FMN2: variants seen among roughly 807,000 people sequenced by gnomAD.
The protein encoded by FMN2 is formin-2.
FMN2 carries 51 observed loss-of-function variants against 142.3 expected under a neutral mutation model. The ratio of observed to expected loss-of-function variants is 0.36; its 90% CI spans 0.29 to 0.45. The LOEUF is 0.45. Ranked by LOEUF, FMN2 falls within the 20% of genes least tolerant of loss-of-function variation. The pLI, the probability that FMN2 is intolerant of heterozygous loss-of-function variation, is 1.00. For synonymous variants in FMN2, 882 were observed against 869.8 expected, an observed-to-expected ratio of 1.01 and a Z score of -0.25; for missense variants, 1,936 against 2,122.8, an observed-to-expected ratio of 0.91 and a Z score of 1.73.
chr1:240,153,284 G>A (rs1663860677), intron 2 of FMN2, among the ~76,000 whole-genome samples: 1 of 150,878 alleles, frequency 6.6e-6, no homozygotes, highest in South Asian at 2.1e-4. Context: ...CATTTTTGTT[G>A]TTATATTCAT....
intron 1 of FMN2, among the ~76,000 whole-genome samples, chr1:240,114,343 T>A (rs745644431): frequency 7.9e-5 from 12 of 152,178 alleles, no homozygotes; most frequent in Non-Finnish European, 1.5e-5. Context: ...CTAGGTGCAA[T>A]CTGACAGTTG....
chr1:240,249,834 C>G (rs1018890675), intron 6 of FMN2, among the ~76,000 whole-genome samples: 1 of 151,854 alleles, frequency 6.6e-6, no homozygotes, highest in African/African-American at 2.4e-5. Flanking sequence ...AAATTTATTC[C>G]TAAGTTATTT....
intron 6 of FMN2, among the ~76,000 whole-genome samples, chr1:240,241,662 T>C (rs1462643238): frequency 6.6e-6 from 1 of 152,150 alleles, no homozygotes; most frequent in Non-Finnish European, 1.5e-5. Flanking sequence ...ATTTAATTAC[T>C]CTATTCAACT....
intron 1 of FMN2, among the ~76,000 whole-genome samples, chr1:240,110,085 G>GT (rs1661752222): frequency 6.6e-6 from 1 of 152,168 alleles, no homozygotes; most frequent in Non-Finnish European, 1.5e-5. Flanking sequence ...TTTGGTTGTT[G>GT]TAAGTAGGTT....
At chr1:240,319,276 G>A (rs1670889715) in intron 8 of FMN2, among the ~76,000 whole-genome samples, 1 of 152,134 alleles carries the variant, frequency 6.6e-6, no homozygotes, top group Non-Finnish European at 1.5e-5. Flanking sequence ...TGTGGAGAGA[G>A]GCAAAGGGCT....
At chr1:240,168,316 A>T (rs1285758001) in intron 2 of FMN2, among the ~76,000 whole-genome samples, 1 of 152,010 alleles carries the variant, frequency 6.6e-6, no homozygotes, top group African/African-American at 2.4e-5. Context: ...AGCTGGGCAC[A>T]GTGGCTCACG....
intron 15 of FMN2, among the ~76,000 whole-genome samples, chr1:240,403,354 C>T (rs1674050779): frequency 1.3e-5 from 2 of 152,114 alleles, no homozygotes; most frequent in South Asian, 4.1e-4. Context: ...TTAAAAATGC[C>T]TAGGTGCAGT....
At chr1:240,204,593 A>G (rs780136942) in intron 4 of FMN2, among the ~76,000 whole-genome samples, 28 of 152,234 alleles carry the variant, frequency 1.8e-4, no homozygotes, top group Non-Finnish European at 3.7e-4. Context: ...TTTACTAAAA[A>G]TACAAAAATT....
chr1:240,255,343 A>T (rs1255530589), intron 6 of FMN2, among the ~76,000 whole-genome samples: 2 of 152,166 alleles, frequency 1.3e-5, no homozygotes, highest in African/African-American at 4.8e-5. Flanking sequence ...CTAGTCAGCC[A>T]TCTTGAAACT....
At chr1:240,226,714 A>G (rs1022581820) in intron 6 of FMN2, among the ~76,000 whole-genome samples, 18 of 152,110 alleles carry the variant, frequency 1.2e-4, no homozygotes, top group African/African-American at 4.1e-4. Flanking sequence ...GGGTGGTAGA[A>G]TGAGACCTTG....
chr1:240,122,110 C>A (rs1410300553), intron 1 of FMN2, among the ~76,000 whole-genome samples: 3 of 100,358 alleles, frequency 3.0e-5, no homozygotes, highest in Non-Finnish European at 4.6e-5. Flanking sequence ...TTTTTTGAGA[C>A]AGGCAACACT....
At chr1:240,232,249 C>CTTT (rs77988184) in intron 6 of FMN2, among the ~76,000 whole-genome samples, 1 of 99,538 alleles carries the variant, frequency 1.0e-5, no homozygotes, top group African/African-American at 4.1e-5. Context: ...CCCAGCTAAT[C>CTTT]TTTTTTTTTT....
chr1:240,173,731 C>T (rs1572019038), intron 2 of FMN2, among the ~76,000 whole-genome samples: 2 of 152,068 alleles, frequency 1.3e-5, no homozygotes, highest in African/African-American at 4.8e-5. Context: ...AGTGGAGCTA[C>T]GTGATGAATG....
chr1:240,285,160 C>A, intron 7 of FMN2: 1 of 448,558 alleles, frequency 2.2e-6, no homozygotes, highest in South Asian at 1.6e-5. Context: ...AGGCAATAAT[C>A]GGGAATGTCT....
At chr1:240,360,654 G>A (rs553801358) in intron 14 of FMN2, among the ~76,000 whole-genome samples, 1 of 152,122 alleles carries the variant, frequency 6.6e-6, no homozygotes, top group Non-Finnish European at 1.5e-5. Context: ...GGAATGATTG[G>A]GGGGTGAGAG....
intron 15 of FMN2, among the ~76,000 whole-genome samples, chr1:240,409,882 A>G (rs1674338500): frequency 1.3e-5 from 2 of 152,232 alleles, no homozygotes; most frequent in Non-Finnish European, 2.9e-5. Flanking sequence ...TTCAGGGTCA[A>G]AATGTACTAG....
chr1:240,178,602 C>A (rs1665025926), intron 3 of FMN2, among the ~76,000 whole-genome samples: 1 of 151,990 alleles, frequency 6.6e-6, no homozygotes, highest in Admixed American at 6.6e-5. Context: ...CCACCACGTC[C>A]AGCTAATTTT....
intron 6 of FMN2, among the ~76,000 whole-genome samples, chr1:240,241,760 G>T (rs1246090952): frequency 1.3e-5 from 2 of 151,072 alleles, no homozygotes; most frequent in African/African-American, 4.9e-5. Context: ...GATTGGGTTG[G>T]ATCATAAGTG....
rs1172891842 is a variant in FMN2, at chr1:240,093,287, C to T, written c.1178C>T (p.Ala393Val). 1 of 1,607,788 alleles carries T rather than the reference C, an allele frequency of 6.2e-7. No individual in the cohort carries two copies. Among genetic ancestry groups the T allele is most frequent in the South Asian group, 1.1e-5 (1 of 90,460 alleles). ...EEEAQGPDAP[A>V]AASLPGSPAP... is the part of the protein sequence containing the mutation. ...GAGGCGCAAGGACCTGACGCCCCCG[C>T]GGCCGCTTCCCTGCCCGGCAGCCCC... The change falls in exon 1 of 18, where the codon GCG (alanine) becomes GTG (valine). Residue 393 changes from alanine to valine, a missense_variant. Around this residue, in one of 8 missense-constraint regions of FMN2, gnomAD observed 751 missense variants for 791.8 expected, o/e 0.95. Transcript: ENST00000319653.
Sources: allele counts gnomAD v4.1 joint callset (sites outside exome capture counted in the v4.1 genomes callset), GRCh38; gene constraint gnomAD v4.1.1; regional missense constraint gnomAD v4.1.1; transcripts MANE v1.5; gene names NCBI Gene and HGNC (gene_info 2026-07-23, HGNC 2026-07-21).